Variants in HIVEP3 observed in about 807,000 individuals in gnomAD.
HIVEP3 encodes the protein transcription factor HIVEP3.
Under a neutral mutation model 152.8 loss-of-function variants are expected in HIVEP3, and 49 were observed. The ratio of observed to expected loss-of-function variants is 0.32; its 90% CI spans 0.26 to 0.41. The LOEUF (loss-of-function observed/expected upper bound fraction) is 0.41, where lower values mean the gene tolerates loss of function less well. Ranked by LOEUF, HIVEP3 falls within the 10% of genes least tolerant of loss-of-function variation. The probability of loss-of-function intolerance (pLI) is 1.00; values close to 1 mark genes in which losing one functional copy is unlikely to be tolerated. For missense variants in HIVEP3, 2,790 were observed against 3,103.3 expected (o/e 0.90, Z 2.40); for synonymous variants, 1,269 against 1,289.0 (o/e 0.98, Z 0.33).
chr1:41,530,550 G>A (rs1643214730), intron 5 of HIVEP3, among the ~76,000 whole-genome samples: 3 of 152,186 alleles, frequency 2.0e-5, no homozygotes, highest in African/African-American at 7.2e-5. Context: ...TGCACTGGAA[G>A]CCCCGCAACC....
intron 1 of HIVEP3, among the ~76,000 whole-genome samples, chr1:41,722,629 C>T (rs1234442970): frequency 6.7e-6 from 1 of 149,304 alleles, no homozygotes; most frequent in Non-Finnish European, 1.5e-5. Flanking sequence ...TTGTATGTGG[C>T]AGGTGCAATG....
At chr1:41,954,645 C>T (rs1051521869) in intron 1 of HIVEP3, among the ~76,000 whole-genome samples, 1 of 152,246 alleles carries the variant, frequency 6.6e-6, no homozygotes, top group Non-Finnish European at 1.5e-5. Context: ...ACTGGCCTTT[C>T]TGATGCTGGC....
At position 41,783,307 on chromosome 1, in the gene HIVEP3, C is replaced by T. The variant is rs922234374; in HGVS notation, c.-800-82312G>A. On this transcript the variant is annotated intron_variant, in intron 1 of 8. Transcript: ENST00000372583. ...TGGCAGAGAGGATTCATTCCGTATT[C>T]ATTCCCCTAGTGAGCCACACGCTTC... Among the ~76,000 whole-genome samples the T allele has an allele frequency of 2.0e-5, 3 of 152,266 alleles. No homozygotes were observed. In the East Asian group the frequency reaches 5.8e-4, roughly 29 times the overall value.
chr1:41,947,810 G>A (rs148289096), intron 1 of HIVEP3, among the ~76,000 whole-genome samples: 874 of 152,358 alleles, frequency 5.7e-3, no homozygotes, highest in Non-Finnish European at 9.2e-3. Context: ...TATGGGTAGT[G>A]ATGGCAGTAG....
chr1:41,563,545 G>A (rs6685772), intron 5 of HIVEP3, among the ~76,000 whole-genome samples: 1,699 of 152,082 alleles, frequency 0.011, 35 homozygotes, highest in African/African-American at 0.039. Flanking sequence ...CAAGAAGAAA[G>A]GCACCACTGT....
Position 41,873,902 on chromosome 1 carries a change from G to A in HIVEP3, c.-801+44511C>T, listed in dbSNP as rs910900205. On this transcript the variant is annotated intron_variant, in intron 1 of 8. Transcript: ENST00000372583. The surrounding 1 kb of genome is among the most constrained non-coding windows in gnomAD (Gnocchi z 4.2). ...AAGCTTCTCAAAGCAACTGGCCCAGGCAGCCTTGTACTTGCTTCATTCTGG... is the reference window on the plus strand; with the variant it reads ...AAGCTTCTCAAAGCAACTGGCCCAGACAGCCTTGTACTTGCTTCATTCTGG... 6.6e-6 allele frequency among the ~76,000 whole-genome samples: 1 copy of A among 152,170 alleles called. No individual in the cohort carries two copies. The highest frequency in any genetic ancestry group is 2.4e-5 in the African/African-American group (1 of 41,426).
chr1:41,565,665 G>A lies in HIVEP3; in HGVS notation c.5207+9879C>T, dbSNP rs113240326. 1.3e-4 allele frequency among the ~76,000 whole-genome samples: 20 copies of A among 152,226 alleles called. No individual in the cohort carries two copies. The South Asian group carries it at 4.2e-3, about 32-fold the overall frequency. On this transcript the variant is annotated intron_variant, in intron 5 of 8. Transcript: ENST00000372583. ...CAGCTTCCTCCTGGGAGCCCAGCCT[G>A]ATTCCCCAGGACAGAAACAGAGGCC...
intron 2 of HIVEP3, among the ~76,000 whole-genome samples, chr1:41,699,562 G>T (rs987834747): frequency 1.3e-5 from 2 of 152,186 alleles, no homozygotes; most frequent in Admixed American, 1.3e-4. Flanking sequence ...TCCTTCAGGG[G>T]TAGGAAAGGA....
At chr1:41,737,625 A>G (rs928604273) in intron 1 of HIVEP3, among the ~76,000 whole-genome samples, 3 of 152,194 alleles carry the variant, frequency 2.0e-5, no homozygotes, top group Non-Finnish European at 4.4e-5. Flanking sequence ...TCCTTGGTTT[A>G]CAGATGAAGG....
chr1:41,781,077 G>T (rs974612244), intron 1 of HIVEP3, among the ~76,000 whole-genome samples: 2 of 152,232 alleles, frequency 1.3e-5, no homozygotes, highest in African/African-American at 2.4e-5. Context: ...GGGTTGTGCA[G>T]TAAGTGGAGA....
intron 1 of HIVEP3, among the ~76,000 whole-genome samples, chr1:41,736,419 C>T (rs949802529): frequency 1.3e-5 from 2 of 152,136 alleles, no homozygotes; most frequent in Admixed American, 1.3e-4. Context: ...GTCCTGGGGC[C>T]CTGACAAGGC....
intron 1 of HIVEP3, among the ~76,000 whole-genome samples, chr1:41,938,232 A>G (rs866941935): frequency 6.6e-6 from 1 of 152,092 alleles, no homozygotes; most frequent in African/African-American, 2.4e-5. Flanking sequence ...TCTCCCCTAT[A>G]TGGCATGGAC....
chr1:42,024,885 G>A (rs1570899307), intron 1 of HIVEP3, among the ~76,000 whole-genome samples: 2 of 152,242 alleles, frequency 1.3e-5, no homozygotes, highest in Non-Finnish European at 2.9e-5. Flanking sequence ...ATAATCCTAA[G>A]TTTTCAGCTA....
intron 2 of HIVEP3, among the ~76,000 whole-genome samples, chr1:41,641,676 A>G (rs1328521289): frequency 6.6e-6 from 1 of 152,228 alleles, no homozygotes; most frequent in African/African-American, 2.4e-5. Flanking sequence ...TCGGTGAACC[A>G]GAGCAGGCCC....
intron 6 of HIVEP3, among the ~76,000 whole-genome samples, chr1:41,521,877 C>T (rs986243149): frequency 2.6e-5 from 4 of 152,258 alleles, no homozygotes; most frequent in Admixed American, 6.5e-5. Context: ...CATGGCACAG[C>T]CATCCGCTGG....
At chr1:41,730,604 C>T (rs540925591) in intron 1 of HIVEP3, among the ~76,000 whole-genome samples, 9 of 152,364 alleles carry the variant, frequency 5.9e-5, no homozygotes, top group Non-Finnish European at 1.0e-4. Context: ...GCACCAGGGG[C>T]GCCAGGGTGC....
chr1:41,637,864 G>A (rs931833442), intron 2 of HIVEP3, among the ~76,000 whole-genome samples: 1 of 152,188 alleles, frequency 6.6e-6, no homozygotes, highest in Non-Finnish European at 1.5e-5. Flanking sequence ...AGAGCAGAAT[G>A]GGGGGTCAGT....
intron 1 of HIVEP3, among the ~76,000 whole-genome samples, chr1:41,947,436 C>G (rs527878968): frequency 6.6e-6 from 1 of 152,220 alleles, no homozygotes; most frequent in East Asian, 1.9e-4. Context: ...GGCTTATCCT[C>G]ATCCCAAAAC....
At chr1:41,648,640 T>C (rs1480831847) in intron 2 of HIVEP3, among the ~76,000 whole-genome samples, 2 of 152,200 alleles carry the variant, frequency 1.3e-5, no homozygotes, top group African/African-American at 4.8e-5. Flanking sequence ...AAGATTTTAT[T>C]TGGGTTTTCA....
Sources: gnomAD v4.1 joint callset for allele counts (sites outside exome capture counted in the v4.1 genomes callset) on GRCh38, gnomAD v4.1.1 for gene constraint, Gnocchi (gnomAD v3.1) non-coding constraint, MANE v1.5 for transcripts, NCBI Gene and HGNC (gene_info 2026-07-23, HGNC 2026-07-21) for gene names.